The following TRMO variants were observed in gnomAD, a reference collection of about 807,000 sequenced individuals.
TRMO encodes the protein tRNA (adenine(37)-N6)-methyltransferase.
In TRMO, 30 loss-of-function variants were observed where a neutral mutation model predicts 37.2. That is an observed-to-expected ratio of 0.81 (90% CI 0.60 to 1.09). TRMO has a LOEUF of 1.09. Among genes scored for constraint, TRMO ranks in the 50% least tolerant of loss-of-function variants. The pLI is 0.00. For synonymous variants in TRMO, 239 were observed against 199.4 expected (o/e 1.20, Z -1.67); for missense variants, 552 against 549.5 (o/e 1.00, Z -0.05).
At chr9:97,899,974 T>C (rs781347293), downstream of TRMO, among the ~76,000 whole-genome samples, 6 of 152,152 alleles carry the variant, frequency 3.9e-5, no homozygotes, top group Non-Finnish European at 8.8e-5. Flanking sequence ...GGAGGATCAC[T>C]TGAGCCTGGG....
chr9:97,910,834 G>A (rs1404866270), intron 3 of TRMO: 2 of 613,118 alleles, frequency 3.3e-6, no homozygotes, highest in African/African-American at 3.7e-5. Context: ...GCCCTCAAAA[G>A]CACACCTTTT....
At chr9:97,898,371 G>A in the TRMO span, among the ~76,000 whole-genome samples, 3 of 151,962 alleles carry the variant, frequency 2.0e-5, no homozygotes, top group African/African-American at 4.8e-5. Context: ...GGTCTTTGTC[G>A]CCCAGGCTGA....
chr9:97,897,269 T>C, the TRMO span, among the ~76,000 whole-genome samples: 8 of 152,354 alleles, frequency 5.3e-5, no homozygotes, highest in East Asian at 1.3e-3. Context: ...AACCTTTCTG[T>C]AAATAACCTT....
chr9:97,911,565 C>T (rs1826126052), intron 3 of TRMO: 1 of 152,230 alleles, frequency 6.6e-6, no homozygotes. Context: ...AAGCTGTGCC[C>T]ATCCTTCTGA....
At position 97,904,911 on chromosome 9, in the gene TRMO, G is replaced by C; in HGVS notation, c.1148C>G (p.Pro383Arg). 1 of 1,614,192 alleles carries C rather than the reference G, an allele frequency of 6.2e-7. No individual in the cohort carries two copies. Residue 383 changes from proline (P) to arginine (R), a missense_variant, in exon 5 of 5, where the codon CCT becomes CGT. Coordinates refer to ENST00000375119, the MANE Select transcript of TRMO (RefSeq NM_016481.5). ...RAIEAVLSAD[P>R]RSVYRRKLCQ... ...AAGCTTCCGGCGGTACACAGACCGA[G>C]GATCCGCTGACAGCACAGCCTCAAT...
At chr9:97,897,730 A>G in the TRMO span, among the ~76,000 whole-genome samples, 1 of 152,256 alleles carries the variant, frequency 6.6e-6, no homozygotes, top group African/African-American at 2.4e-5. Flanking sequence ...CATGGAATTT[A>G]AAAATGTTTT....
downstream of TRMO, among the ~76,000 whole-genome samples, chr9:97,901,462 GCTGTAA>G (rs921647532): frequency 6.6e-6 from 1 of 152,150 alleles, no homozygotes; most frequent in African/African-American, 2.4e-5. Flanking sequence ...CGACCCTAGA[GCTGTAA>G]CACTATTTTT....
intron 1 of TRMO, 152 bp downstream of exon 1, chr9:97,922,266 T>G: frequency 1.6e-6 from 1 of 613,034 alleles, no homozygotes; most frequent in Non-Finnish European, 2.9e-6. Context: ...CATCACGTGG[T>G]CTCCGCAGCA....
rs984936134 is a variant in TRMO, at chr9:97,904,958, T to C, written c.1101A>G (p.Ser367=). 9.9e-6 allele frequency: 16 copies of C among 1,613,812 alleles called. 1 individual carries two copies. The East Asian group carries it at 1.6e-4, about 16-fold the overall frequency. The part of the protein sequence containing the change: ...VGQASFKYFQ[S]AEEAKRAIEA... Reference sequence around the variant, plus strand: ...CAATGGCACGCTTTGCTTCCTCTGCTGACTGAAAATATTTAAATGACGCCT... The same window carrying C: ...CAATGGCACGCTTTGCTTCCTCTGCCGACTGAAAATATTTAAATGACGCCT... Residue 367 remains serine, a synonymous_variant, in exon 5 of 5, where the codon TCA becomes TCG. Transcript: ENST00000375119.
At chr9:97,903,344 C>T (rs533818873), downstream of TRMO, among the ~76,000 whole-genome samples, 1 of 152,296 alleles carries the variant, frequency 6.6e-6, no homozygotes, top group East Asian at 1.9e-4. Context: ...AAGGCAATTA[C>T]AAATCAGTTT....
At chr9:97,913,311 T>C in intron 3 of TRMO, 90 bp downstream of exon 3, 1 of 1,494,468 alleles carries the variant, frequency 6.7e-7, no homozygotes, top group Non-Finnish European at 9.3e-7. Flanking sequence ...TTGGTACTCG[T>C]CTGAATAAAC....
downstream of TRMO, among the ~76,000 whole-genome samples, chr9:97,902,481 A>T (rs1825695967): frequency 6.6e-6 from 1 of 151,842 alleles, no homozygotes; most frequent in Non-Finnish European, 1.5e-5. Context: ...TTTGTATTTT[A>T]AGTAGAGGTA....
Position 97,908,208 on chromosome 9 carries a change from C to A in TRMO, c.1066+1752G>T, listed in dbSNP as rs151226469. ...CGGGGGAATCACAAGGTCAGGAGAT[C>A]GAGACCATCCTGCCTAACACGGTGA... On this transcript the variant is annotated intron_variant, in intron 4 of 4. Coordinates refer to ENST00000375119, the MANE Select transcript of TRMO (RefSeq NM_016481.5). Among the ~76,000 whole-genome samples, 6 of 152,138 alleles carry A rather than the reference C, an allele frequency of 3.9e-5. No individual in the cohort carries two copies. In the South Asian group the frequency reaches 1.0e-3, roughly 26 times the overall value.
intron 2 of TRMO, 44 bp downstream of exon 2, chr9:97,916,120 A>C: frequency 6.8e-7 from 1 of 1,469,910 alleles, no homozygotes; most frequent in Non-Finnish European, 9.3e-7. Flanking sequence ...ATTCGGGGGC[A>C]AGTTCTGGCC....
chr9:97,922,357 G>C (rs1564116230), intron 1 of TRMO, 61 bp downstream of exon 1: 1 of 1,193,072 alleles, frequency 8.4e-7, no homozygotes, highest in East Asian at 2.6e-5. Flanking sequence ...TCTCGGCAAC[G>C]AAGTCCGCTG....
Position 97,922,441 on chromosome 9 carries a change from C to T in TRMO, c.53G>A (p.Cys18Tyr). ...ACCTGTCTCCAGAGCCGGCTTAACGCAGCCGCACGGGGTCGCTGTAGGCCG... is the reference window on the plus strand; with the variant it reads ...ACCTGTCTCCAGAGCCGGCTTAACGTAGCCGCACGGGGTCGCTGTAGGCCG... ...GPRPTATPCG[C>Y]VKPALETGNL... Residue 18 changes from cysteine (C) to tyrosine (Y), a missense_variant, in exon 1 of 5, where the codon TGC (cysteine) becomes TAC (tyrosine). Physicochemically the swap from Cys to Tyr is radical, Grantham distance 194. Transcript: ENST00000375119. 8 of 1,587,092 alleles carry T rather than the reference C, an allele frequency of 5.0e-6. No individual in the cohort carries two copies. The highest frequency in any genetic ancestry group is 6.9e-6 in the Non-Finnish European group (8 of 1,167,294).
intron 3 of TRMO, 179 bp downstream of exon 3, chr9:97,913,222 T>G: frequency 2.0e-6 from 1 of 492,506 alleles, no homozygotes; most frequent in South Asian, 2.1e-5. Flanking sequence ...ATGAGTTTAT[T>G]TCAACATTTT....
At chr9:97,919,518 T>C (rs1465898654) in intron 1 of TRMO, among the ~76,000 whole-genome samples, 2 of 152,160 alleles carry the variant, frequency 1.3e-5, no homozygotes, top group Non-Finnish European at 2.9e-5. Flanking sequence ...TGTGTTAAGT[T>C]TGGAGAAAAG....
chr9:97,908,109 G>A lies in TRMO; in HGVS notation c.1066+1851C>T, dbSNP rs1178024974. Reference sequence around the variant, plus strand: ...AGTCTGGGCAACAAAATGAGACCCCGTCTCTTTAAAAATTCAAAATAGGTT... The same window carrying A: ...AGTCTGGGCAACAAAATGAGACCCCATCTCTTTAAAAATTCAAAATAGGTT... On this transcript the variant is annotated intron_variant, in intron 4 of 4. Transcript: ENST00000375119. 4.6e-5 allele frequency among the ~76,000 whole-genome samples: 7 copies of A among 151,818 alleles called. No homozygotes were observed. The South Asian group carries it at 8.3e-4, about 18-fold the overall frequency.
Sources: gnomAD v4.1 joint callset for allele counts (sites outside exome capture counted in the v4.1 genomes callset) on GRCh38, gnomAD v4.1.1 for gene constraint, MANE v1.5 for transcripts, NCBI Gene and HGNC (gene_info 2026-07-23, HGNC 2026-07-21) for gene names.